The following XRCC4 variants were observed in gnomAD, a reference collection of about 807,000 sequenced individuals.
XRCC4 encodes X-ray repair cross complementing 4.
XRCC4 carries 28 observed loss-of-function variants against 39.1 expected under a neutral mutation model. That is an observed-to-expected ratio of 0.72 (90% CI 0.53 to 0.98). The LOEUF is 0.98. Among genes scored for constraint, XRCC4 ranks in the 50% least tolerant of loss-of-function variants. XRCC4 has a pLI of 0.00. For synonymous variants in XRCC4, 123 were observed against 126.4 expected, an observed-to-expected ratio of 0.97 and a Z score of 0.18; for missense variants, 350 against 376.4, an observed-to-expected ratio of 0.93 and a Z score of 0.58.
At chr5:83,291,489 A>G (rs1418984886) in intron 7 of XRCC4, among the ~76,000 whole-genome samples, 1 of 151,866 alleles carries the variant, frequency 6.6e-6, no homozygotes, top group Admixed American at 6.6e-5. Flanking sequence ...AAATAGTAGC[A>G]ATGCTTTTCT....
intron 6 of XRCC4, among the ~76,000 whole-genome samples, chr5:83,240,676 C>A (rs1309557287): frequency 1.3e-5 from 2 of 152,042 alleles, no homozygotes; most frequent in Non-Finnish European, 2.9e-5. Flanking sequence ...ACAAAACACA[C>A]AAAGGTAGGT....
At chr5:83,109,935 C>T (rs932612855) in intron 2 of XRCC4, among the ~76,000 whole-genome samples, 4 of 151,940 alleles carry the variant, frequency 2.6e-5, no homozygotes, top group East Asian at 1.9e-4. Context: ...ACAGAACAAT[C>T]CCTAAGGACT....
intron 6 of XRCC4, among the ~76,000 whole-genome samples, chr5:83,236,822 G>T (rs1580407265): frequency 6.6e-6 from 1 of 150,860 alleles, no homozygotes; most frequent in East Asian, 1.9e-4. Context: ...ACCCAGCAAG[G>T]GACAAATAAC....
intron 3 of XRCC4, among the ~76,000 whole-genome samples, 185 bp downstream of exon 3, chr5:83,111,388 C>T (rs947383287): frequency 1.3e-5 from 2 of 151,824 alleles, no homozygotes; most frequent in Admixed American, 6.6e-5. Flanking sequence ...ATTAATGAAT[C>T]ATGAAAAATA....
chr5:83,316,043 G>A (rs373588921), intron 7 of XRCC4, among the ~76,000 whole-genome samples: 3 of 146,482 alleles, frequency 2.0e-5, no homozygotes, highest in South Asian at 2.1e-4. Flanking sequence ...ATGATTCATG[G>A]GAGGTGGTAA....
intron 3 of XRCC4, among the ~76,000 whole-genome samples, chr5:83,117,045 C>T (rs558710096): frequency 6.6e-6 from 1 of 152,238 alleles, no homozygotes; most frequent in African/African-American, 2.4e-5. Flanking sequence ...AGCTTATCCT[C>T]CCAAAACTTC....
chr5:83,166,061 A>G (rs1310246637), intron 3 of XRCC4, among the ~76,000 whole-genome samples: 3 of 150,648 alleles, frequency 2.0e-5, no homozygotes, highest in Non-Finnish European at 4.4e-5. Flanking sequence ...AATTTTTTGT[A>G]TTTTTAGTAG....
intron 7 of XRCC4, among the ~76,000 whole-genome samples, chr5:83,318,003 A>G (rs1181420540): frequency 8.1e-6 from 1 of 124,146 alleles, no homozygotes; most frequent in Non-Finnish European, 1.6e-5. Flanking sequence ...AAGCTTATCC[A>G]CCATGATCAA....
intron 7 of XRCC4, among the ~76,000 whole-genome samples, chr5:83,273,549 GT>G (rs1190150267): frequency 6.6e-6 from 1 of 152,144 alleles, no homozygotes; most frequent in Non-Finnish European, 1.5e-5. Flanking sequence ...ATAGTTTTAG[GT>G]TTTACGTTTA....
intron 1 of XRCC4, among the ~76,000 whole-genome samples, chr5:83,085,419 TAAA>T (rs927066631): frequency 1.6e-4 from 25 of 152,074 alleles, no homozygotes; most frequent in African/African-American, 5.8e-4. Flanking sequence ...TCAGGGAAAA[TAAA>T]ATTACATCTG....
intron 6 of XRCC4, among the ~76,000 whole-genome samples, chr5:83,228,181 T>C (rs946118425): frequency 9.2e-5 from 14 of 152,112 alleles, no homozygotes; most frequent in African/African-American, 3.4e-4. Flanking sequence ...TTTATTAAAA[T>C]GTTATTTATT....
chr5:83,321,973 C>G (rs1319334919), intron 7 of XRCC4, among the ~76,000 whole-genome samples: 1 of 149,562 alleles, frequency 6.7e-6, no homozygotes, highest in Non-Finnish European at 1.5e-5. Context: ...ATTTTACTAT[C>G]TAGTATGTAT....
At chr5:83,086,238 C>A (rs554887855) in intron 1 of XRCC4, among the ~76,000 whole-genome samples, 1 of 152,206 alleles carries the variant, frequency 6.6e-6, no homozygotes, top group Admixed American at 6.5e-5. Context: ...AGAGTTGACC[C>A]TTGAACAATA....
At chr5:83,316,251 G>C (rs1279558228) in intron 7 of XRCC4, among the ~76,000 whole-genome samples, 1 of 152,012 alleles carries the variant, frequency 6.6e-6, no homozygotes, top group East Asian at 1.9e-4. Flanking sequence ...AAAGAAGGTG[G>C]CTTCTTGAAA....
chr5:83,145,367 A>G (rs1335986988), intron 3 of XRCC4, among the ~76,000 whole-genome samples: 3 of 152,184 alleles, frequency 2.0e-5, no homozygotes, highest in Non-Finnish European at 4.4e-5. Flanking sequence ...AACATTGTGA[A>G]TGATGTAGAG....
At chr5:83,237,490 A>G (rs1162103328) in intron 6 of XRCC4, among the ~76,000 whole-genome samples, 1 of 152,148 alleles carries the variant, frequency 6.6e-6, no homozygotes, top group Non-Finnish European at 1.5e-5. Context: ...GTTCTCATTC[A>G]TATGTGGGAG....
At chr5:83,094,570 A>G (rs1352202183) in intron 1 of XRCC4, among the ~76,000 whole-genome samples, 2 of 151,154 alleles carry the variant, frequency 1.3e-5, no homozygotes. Flanking sequence ...TGTATTCTTC[A>G]TCTCCTGGAT....
chr5:83,177,438 C>CTTTGTTTTT (rs1554061575), intron 3 of XRCC4, among the ~76,000 whole-genome samples: 2 of 98,360 alleles, frequency 2.0e-5, no homozygotes, highest in South Asian at 3.7e-4. Context: ...GCTTTAATAC[C>CTTTGTTTTT]TTTTTTTTTT....
chr5:83,200,196 TGGATAAAA>T (rs1249575635), intron 4 of XRCC4, among the ~76,000 whole-genome samples: 1 of 152,196 alleles, frequency 6.6e-6, no homozygotes, highest in Non-Finnish European at 1.5e-5. Flanking sequence ...TACTGATTAT[TGGATAAAA>T]GGATAGCATT....
Sources: allele counts gnomAD v4.1 joint callset (sites outside exome capture counted in the v4.1 genomes callset), GRCh38; gene constraint gnomAD v4.1.1; transcripts MANE v1.5; gene names NCBI Gene and HGNC (gene_info 2026-07-23, HGNC 2026-07-21).